Variants in MINK1 observed in about 807,000 individuals in gnomAD.
MINK1 encodes the protein misshapen like kinase 1, also known as misshapen-like kinase 1.
Under a neutral mutation model 178.4 loss-of-function variants are expected in MINK1, and 46 were observed. That is an observed-to-expected ratio of 0.26 (90% CI 0.20 to 0.33). The LOEUF is 0.33. MINK1 is among the 10% of genes least tolerant of loss of function. MINK1 has a pLI of 1.00. For synonymous variants in MINK1, 797 were observed against 709.7 expected (o/e 1.12, Z -1.96); for missense variants, 1,366 against 1,814.9 (o/e 0.75, Z 4.49).
In MINK1 at chr17:4,897,174, C is replaced by T. The variant is rs759750633; in HGVS notation, c.3916-30C>T. 9 of 1,602,830 alleles carry T rather than the reference C, an allele frequency of 5.6e-6. No homozygotes were observed. In the African/African-American group the frequency reaches 9.4e-5, roughly 17 times the overall value. On this transcript the variant is annotated intron_variant, in intron 31 of 31. Transcript: ENST00000355280. Reference sequence around the variant, plus strand: ...TTGAGACACCCCCCCAACCTCAGCCCTTGGTGACTTCTTCTCCTGCCCCAC... The same window carrying T: ...TTGAGACACCCCCCCAACCTCAGCCTTTGGTGACTTCTTCTCCTGCCCCAC...
chr17:4,868,175 C>T (rs951133011), intron 1 of MINK1, among the ~76,000 whole-genome samples: 1 of 152,130 alleles, frequency 6.6e-6, no homozygotes, highest in African/African-American at 2.4e-5. Flanking sequence ...TGGGGTTTCA[C>T]CCAGTTGGCC....
Position 4,894,623 on chromosome 17 carries a change from C to T in MINK1, c.2907C>T (p.Ile969=), listed in dbSNP as rs1282596920. 1 of 1,603,262 alleles carries T rather than the reference C, an allele frequency of 6.2e-7. No individual in the cohort carries two copies. Among genetic ancestry groups the T allele is most frequent in the Non-Finnish European group, 8.5e-7 (1 of 1,174,626 alleles). ...AGCCTGGAGGCAGTGGGGACAGCAT[C>T]CCCATCACAGGTGAGGACAGGAGGA... The part of the protein sequence containing the change: ...IYQPGGSGDS[I]PITALVGGEG... Residue 969 remains isoleucine (I), a synonymous_variant, in exon 24 of 32, where the codon ATC becomes ATT. Transcript: ENST00000355280. This position sits in a 1 kb window ranked among gnomAD's most constrained non-coding sequence, Gnocchi z 4.1.
chr17:4,895,515 G>C lies in MINK1; in HGVS notation c.3229+22G>C, dbSNP rs1252499403. 1.3e-6 allele frequency: 2 copies of C among 1,558,250 alleles called. No homozygotes were observed. The highest frequency in any genetic ancestry group is 1.7e-6 in the Non-Finnish European group (2 of 1,148,302). The stretch of plus-strand genomic sequence containing the variant: ...TCAGGTACAGGTGTGGTGAGTGGGG[G>C]AGGGAGGAGGGGCTCAGCTCCTTGG... On this transcript the variant is annotated intron_variant, in intron 26 of 31. Transcript: ENST00000355280. This position sits in a 1 kb window ranked among gnomAD's most constrained non-coding sequence, Gnocchi z 4.3.
intron 1 of MINK1, among the ~76,000 whole-genome samples, chr17:4,853,332 G>T (rs1436326309): frequency 1.0e-5 from 1 of 98,344 alleles, no homozygotes; most frequent in Admixed American, 9.8e-5. Context: ...TGTGGTTGGT[G>T]GGGGAGTGTG....
rs942078193 is a variant in MINK1, at chr17:4,833,466, G to A, written c.-118G>A. 7 of 800,130 alleles carry A rather than the reference G, an allele frequency of 8.7e-6. No homozygotes were observed. The highest frequency in any genetic ancestry group is 5.5e-5 in the African/African-American group (3 of 54,668). 49.6% of individuals were successfully genotyped at this position (800,130 alleles called of 1,614,324 possible). A position where few individuals can be genotyped will look rare whatever the true frequency, so the allele number is the denominator to read the frequency against. On this transcript the variant is annotated 5_prime_UTR_variant, in exon 1 of 32. Transcript: ENST00000355280. This position sits in a 1 kb window ranked among gnomAD's most constrained non-coding sequence, Gnocchi z 4.8. ...GCCCTCCCCCTCCCCGGTCTCCGGG[G>A]GAGGCGCGGTGGAGTCCGCCCCCGG...
At chr17:4,858,096 T>G (rs182324372) in intron 1 of MINK1, among the ~76,000 whole-genome samples, 3 of 152,312 alleles carry the variant, frequency 2.0e-5, no homozygotes, top group Admixed American at 2.0e-4. Context: ...AAGCTCCATT[T>G]GCATAGCAGT....
intron 1 of MINK1, among the ~76,000 whole-genome samples, chr17:4,864,818 G>T (rs754772158): frequency 1.3e-5 from 2 of 152,230 alleles, no homozygotes; most frequent in Non-Finnish European, 2.9e-5. Context: ...ATCAGGACCG[G>T]AAGGATGGGG....
At chr17:4,834,119 C>T (rs1175422400) in intron 1 of MINK1, among the ~76,000 whole-genome samples, 1 of 152,168 alleles carries the variant, frequency 6.6e-6, no homozygotes, top group Non-Finnish European at 1.5e-5. Context: ...CTCTGCCTCG[C>T]CCACCCTTGA....
At position 4,867,944 on chromosome 17, in the gene MINK1, G is replaced by A. The variant is rs376613804; in HGVS notation, c.58-10373G>A. Among the ~76,000 whole-genome samples the A allele has an allele frequency of 1.0e-4, 15 of 150,662 alleles. 1 individual carries two copies. The highest frequency in any genetic ancestry group is 9.7e-4 in the East Asian group (5 of 5,140). ...ATCCATTACCTCAAACGCTTATTTT[G>A]TTGAGAACATTCCATATCTTCTAGC... On this transcript the variant is annotated intron_variant, in intron 1 of 31. Coordinates refer to ENST00000355280, the MANE Select transcript of MINK1 (RefSeq NM_153827.5).
At chr17:4,875,146 G>A (rs755410744) in intron 1 of MINK1, 2 of 519,984 alleles carry the variant, frequency 3.8e-6, no homozygotes, top group Non-Finnish European at 3.8e-6. Flanking sequence ...GGGGAGCTCT[G>A]TAGGGAACTC....
At chr17:4,893,348 C>A (rs374958119) in intron 20 of MINK1, 86 bp from the exon 21 acceptor site, 8 of 1,613,056 alleles carry the variant, frequency 5.0e-6, no homozygotes, top group South Asian at 1.1e-5. Flanking sequence ...CCCCTCCTGT[C>A]GCCCTGCTGG....
chr17:4,869,691 T>A (rs1445742277), intron 1 of MINK1, among the ~76,000 whole-genome samples: 1 of 151,904 alleles, frequency 6.6e-6, no homozygotes, highest in African/African-American at 2.4e-5. Context: ...TGTACTAATT[T>A]AGATTCCCAC....
At chr17:4,858,468 A>T (rs1221948028) in intron 1 of MINK1, among the ~76,000 whole-genome samples, 7 of 145,102 alleles carry the variant, frequency 4.8e-5, no homozygotes, top group Admixed American at 1.4e-4. Context: ...TTTTTTTTTA[A>T]TTTAAATTTA....
At chr17:4,871,169 T>C (rs1266550781) in intron 1 of MINK1, 5 of 233,030 alleles carry the variant, frequency 2.1e-5, no homozygotes, top group African/African-American at 9.4e-5. Flanking sequence ...TTTTTTTGTT[T>C]TGTTTGTTTT....
intron 17 of MINK1, 61 bp from the exon 18 acceptor site, chr17:4,892,341 C>G: frequency 6.8e-6 from 10 of 1,466,788 alleles, no homozygotes; most frequent in South Asian, 1.2e-5. Context: ...GGGAAAGCCC[C>G]AGCCCCATCA....
chr17:4,883,361 C>A (rs560055253), intron 4 of MINK1: 2 of 151,536 alleles, frequency 1.3e-5, no homozygotes, highest in South Asian at 2.1e-4. Flanking sequence ...CCCACCACCA[C>A]GCCCGGCTAA....
intron 31 of MINK1, 137 bp from the exon 32 acceptor site, chr17:4,897,067 G>T: frequency 1.1e-6 from 1 of 875,106 alleles, no homozygotes; most frequent in Non-Finnish European, 1.8e-6. Flanking sequence ...CCGGGTGAGG[G>T]GCACTGTGAG....
At chr17:4,874,574 G>A (rs1967002577) in intron 1 of MINK1, among the ~76,000 whole-genome samples, 1 of 152,176 alleles carries the variant, frequency 6.6e-6, no homozygotes, top group South Asian at 2.1e-4. Context: ...GACAAGCCAA[G>A]CACATGTTGA....
chr17:4,858,618 A>G (rs1913582529), intron 1 of MINK1, among the ~76,000 whole-genome samples: 1 of 151,928 alleles, frequency 6.6e-6, no homozygotes, highest in African/African-American at 2.4e-5. Flanking sequence ...CTGGGATTAC[A>G]GGCATGCACT....
Sources: allele counts gnomAD v4.1 joint callset (sites outside exome capture counted in the v4.1 genomes callset), GRCh38; gene constraint gnomAD v4.1.1; non-coding constraint Gnocchi (gnomAD v3.1); transcripts MANE v1.5; gene names NCBI Gene and HGNC (gene_info 2026-07-23, HGNC 2026-07-21).